Variants in HELZ observed in about 807,000 individuals in gnomAD.
The protein encoded by HELZ is helicase with zinc finger, also known as ATP-dependent RNA helicase with zinc finger domain.
Under a neutral mutation model 218.2 loss-of-function variants are expected in HELZ, and 23 were observed. The observed-to-expected ratio is 0.11, with a 90% CI of 0.08 to 0.15. The LOEUF (loss-of-function observed/expected upper bound fraction) is 0.15, where lower values mean the gene tolerates loss of function less well. Among genes scored for constraint, HELZ ranks in the 10% least tolerant of loss-of-function variants. The pLI is 1.00. For synonymous variants in HELZ, 814 were observed against 829.4 expected, an observed-to-expected ratio of 0.98 and a Z score of 0.32; for missense variants, 1,813 against 2,353.7, an observed-to-expected ratio of 0.77 and a Z score of 4.75.
chr17:67,131,180 A>C (rs2037971546), intron 23 of HELZ, among the ~76,000 whole-genome samples: 1 of 152,204 alleles, frequency 6.6e-6, no homozygotes, highest in Non-Finnish European at 1.5e-5. Context: ...GAGCTACTGT[A>C]CGCAGCCTCT....
At chr17:67,186,194 T>G (rs2039750002) in intron 12 of HELZ, among the ~76,000 whole-genome samples, 1 of 152,132 alleles carries the variant, frequency 6.6e-6, no homozygotes, top group Non-Finnish European at 1.5e-5. Flanking sequence ...TTTTCCTACT[T>G]TCTTCCTTTT....
chr17:67,240,222 C>G (rs2041284237), intron 2 of HELZ, among the ~76,000 whole-genome samples: 1 of 152,166 alleles, frequency 6.6e-6, no homozygotes, highest in Non-Finnish European at 1.5e-5. Context: ...AGTCCCTGCA[C>G]AACATCCAAA....
At chr17:67,222,094 G>C (rs1464324105) in intron 3 of HELZ, among the ~76,000 whole-genome samples, 2 of 151,920 alleles carry the variant, frequency 1.3e-5, no homozygotes, top group Non-Finnish European at 2.9e-5. Flanking sequence ...ATCCCAACTT[G>C]GCCTCCCAAA....
chr17:67,109,045 A>T, intron 29 of HELZ, 71 bp downstream of exon 29: 1 of 1,255,510 alleles, frequency 8.0e-7, no homozygotes, highest in African/African-American at 1.5e-5. Flanking sequence ...CTTAACCCAA[A>T]ATGATATTAT....
At position 67,109,414 on chromosome 17, in the gene HELZ, C is replaced by T. The variant is rs368661732; in HGVS notation, c.4191G>A (p.Gln1397=). Residue 1397 remains glutamine, a synonymous_variant, in exon 29 of 33, where the codon CAG becomes CAA. Transcript: ENST00000358691. ...TTTGCTGCTGGACTACCTGATTTGG[C>T]TGAGGTGGTATCTGATTTGGTTGTT... The part of the protein sequence containing the change: ...LPEQPNQIPP[Q]PNQVVQQQSQ... 44 of 1,614,148 alleles carry T rather than the reference C, an allele frequency of 2.7e-5. No individual in the cohort carries two copies. The African/African-American group carries it at 5.6e-4, about 21-fold the overall frequency.
chr17:67,179,030 A>G, intron 12 of HELZ, 104 bp from the exon 13 acceptor site: 2 of 719,298 alleles, frequency 2.8e-6, no homozygotes, highest in Non-Finnish European at 4.4e-6. Context: ...TGAGAATTGT[A>G]TATGCTAGAG....
At chr17:67,169,220 T>C (rs1486238250) in intron 13 of HELZ, among the ~76,000 whole-genome samples, 2 of 152,194 alleles carry the variant, frequency 1.3e-5, no homozygotes, top group African/African-American at 4.8e-5. Context: ...GGTGGCAACA[T>C]TTTCTCCTTT....
At chr17:67,124,376 C>T (rs897407254) in intron 24 of HELZ, among the ~76,000 whole-genome samples, 11 of 152,152 alleles carry the variant, frequency 7.2e-5, no homozygotes, top group East Asian at 1.9e-4. Flanking sequence ...TAACAAATCA[C>T]GAAACACAGA....
chr17:67,208,533 G>C (rs1452375971), intron 5 of HELZ, among the ~76,000 whole-genome samples: 1 of 151,992 alleles, frequency 6.6e-6, no homozygotes. Flanking sequence ...AATTATTTCA[G>C]AATAAAGAGT....
intron 21 of HELZ, among the ~76,000 whole-genome samples, chr17:67,139,179 T>C (rs2038244247): frequency 6.6e-6 from 1 of 152,092 alleles, no homozygotes; most frequent in Non-Finnish European, 1.5e-5. Context: ...ACGAAGCAGT[T>C]CCCATGTCCA....
intron 24 of HELZ, among the ~76,000 whole-genome samples, chr17:67,125,324 ATATATATATATATATATATATAC>A: frequency 2.1e-5 from 1 of 47,776 alleles, no homozygotes; most frequent in African/African-American, 6.0e-5. Context: ...ATATATATAT[ATATATATATATATATATATATAC>A]TTGTGAGGAA....
chr17:67,189,535 AC>A (rs1357482677), intron 11 of HELZ, 53 bp downstream of exon 11: 15 of 1,138,152 alleles, frequency 1.3e-5, no homozygotes, highest in East Asian at 2.3e-5. Context: ...GGTCAAAAAA[AC>A]GTTCAGAAAA....
At position 67,107,391 on chromosome 17, in the gene HELZ, G is replaced by A. The variant is rs115121345; in HGVS notation, c.5019C>T (p.Pro1673=). ...CTCCATCAGGTGCCAGGTATTTCAA[G>A]GGAGGAGGGGCAAGGTGTTCAGATG... ...SLPSEHLAPP[P]LKYLAPDGAW... The change falls in exon 31 of 33, where the codon CCC becomes CCT. Residue 1673 remains proline (P), a synonymous_variant. Transcript: ENST00000358691. 1,068 of 1,614,170 alleles carry A rather than the reference G, an allele frequency of 6.6e-4. 10 individuals are homozygous for A. In the African/African-American group the frequency reaches 0.013, roughly 20 times the overall value.
chr17:67,203,735 G>C (rs2040228735), intron 5 of HELZ, among the ~76,000 whole-genome samples: 1 of 152,150 alleles, frequency 6.6e-6, no homozygotes, highest in African/African-American at 2.4e-5. Flanking sequence ...TACGAATTCT[G>C]GGTAAATGAG....
In HELZ at chr17:67,128,816, G is replaced by A. The variant is rs2143884297; in HGVS notation, c.3222C>T (p.Asn1074=). 1 of 1,614,048 alleles carries A rather than the reference G, an allele frequency of 6.2e-7. No homozygotes were observed. The highest frequency in any genetic ancestry group is 2.2e-5 in the East Asian group (1 of 44,886). The part of the protein sequence containing the change: ...WERFIALCHE[N]SSLHGITFEQ... ...CAAAAGTGATTCCATGTAGGCTACT[G>A]TTTTCATGACACAGGGCAATAAACC... The change falls in exon 24 of 33, where the codon AAC becomes AAT. Residue 1074 remains asparagine (N), a synonymous_variant. Transcript: ENST00000358691.
intron 3 of HELZ, among the ~76,000 whole-genome samples, chr17:67,229,639 T>C (rs1306706288): frequency 6.6e-6 from 1 of 152,206 alleles, no homozygotes; most frequent in African/African-American, 2.4e-5. Context: ...ATGCCAAGCA[T>C]ACCAAGAACT....
chr17:67,082,857 T>G (rs75358182), intron 32 of HELZ, among the ~76,000 whole-genome samples: 19,797 of 149,204 alleles, frequency 0.13, 1,394 homozygotes, highest in African/African-American at 0.17. Flanking sequence ...GTTTTTTTTT[T>G]TTGTTTTTTT....
At chr17:67,131,202 T>C (rs754243102) in intron 23 of HELZ, among the ~76,000 whole-genome samples, 2 of 152,226 alleles carry the variant, frequency 1.3e-5, no homozygotes, top group Non-Finnish European at 2.9e-5. Context: ...GCTCAATTTT[T>C]AATATCAATT....
Position 67,078,246 on chromosome 17 carries a change from A to T in HELZ, c.*6T>A. 6.2e-7 allele frequency: 1 copy of T among 1,604,894 alleles called. No individual in the cohort carries two copies. The highest frequency in any genetic ancestry group is 8.5e-7 in the Non-Finnish European group (1 of 1,172,222). On this transcript the variant is annotated 3_prime_UTR_variant, in exon 33 of 33. Transcript: ENST00000358691. ...AACATTCTCCCTTGAGGGAAAAAAAAAGTGATTATTTAAAATATGAGTAAA... is the reference window on the plus strand; with the variant it reads ...AACATTCTCCCTTGAGGGAAAAAAATAGTGATTATTTAAAATATGAGTAAA...
Sources: gnomAD v4.1 joint callset for allele counts (sites outside exome capture counted in the v4.1 genomes callset) on GRCh38, gnomAD v4.1.1 for gene constraint, MANE v1.5 for transcripts, NCBI Gene and HGNC (gene_info 2026-07-23, HGNC 2026-07-21) for gene names.